CBX1: variants seen among roughly 807,000 people sequenced by gnomAD.
CBX1 encodes chromobox 1.
A neutral mutation model predicts 25.1 loss-of-function variants in CBX1; 10 were observed. The ratio of observed to expected loss-of-function variants is 0.40; its 90% confidence interval spans 0.25 to 0.68. The LOEUF (loss-of-function observed/expected upper bound fraction) is 0.68, where lower values mean the gene tolerates loss of function less well. Ranked by LOEUF, CBX1 falls within the 30% of genes least tolerant of loss-of-function variation. The probability of loss-of-function intolerance (pLI) is 0.40; values close to 1 mark genes in which losing one functional copy is unlikely to be tolerated. For synonymous variants in CBX1, 63 were observed against 79.4 expected (o/e 0.79, Z 1.10); for missense variants, 106 against 218.5 (o/e 0.49, Z 3.25).
chr17:48,101,128 G>C, intron 1 of CBX1, 140 bp downstream of exon 1: 1 of 986,508 alleles, frequency 1.0e-6, no homozygotes, highest in Non-Finnish European at 1.2e-6. Context: ...CGCGGGAAGC[G>C]GAGAAGCAGG....
chr17:48,101,164 C>A (rs534828544), intron 1 of CBX1, 104 bp downstream of exon 1: 1 of 987,134 alleles, frequency 1.0e-6, no homozygotes, highest in East Asian at 1.1e-4. Flanking sequence ...GCGCTCCCCG[C>A]TCCTAACCTC....
chr17:48,074,165 C>T (rs1418533966), intron 4 of CBX1, among the ~76,000 whole-genome samples: 1 of 152,162 alleles, frequency 6.6e-6, no homozygotes, highest in East Asian at 1.9e-4. Flanking sequence ...ATAATTAGTA[C>T]AGACACGAGT....
In CBX1 at chr17:48,082,501, CA is replaced by C. The variant is rs572999255; in HGVS notation, c.-37-5461del. ...TGGGGGACAGAGCGAGACTCCATCT[CA>C]AAAAAAAAAAAAAAAAAAAAAAAGG... On this transcript the variant is annotated intron_variant, in intron 1 of 4. Transcript: ENST00000225603. Among the ~76,000 whole-genome samples the C allele has an allele frequency of 6.6e-3, 357 of 53,748 alleles. 1 individual carries two copies. The highest frequency in any genetic ancestry group is 0.017 in the South Asian group (19 of 1,108). The allele number at this position is 53,748 out of a possible 152,430, so 35.3% of individuals were successfully genotyped here.
intron 1 of CBX1, among the ~76,000 whole-genome samples, chr17:48,090,132 G>A (rs1331697902): frequency 1.3e-5 from 2 of 151,764 alleles, no homozygotes; most frequent in South Asian, 2.1e-4. Flanking sequence ...TCTCGATCTC[G>A]ACCTCATGAT....
intron 2 of CBX1, among the ~76,000 whole-genome samples, chr17:48,076,540 G>A (rs968006453): frequency 1.3e-5 from 2 of 152,100 alleles, no homozygotes; most frequent in Admixed American, 1.3e-4. Flanking sequence ...ACATGGTGGT[G>A]CATGCCTGTG....
At chr17:48,087,978 T>C (rs1290018528) in intron 1 of CBX1, among the ~76,000 whole-genome samples, 1 of 152,064 alleles carries the variant, frequency 6.6e-6, no homozygotes, top group Non-Finnish European at 1.5e-5. Context: ...GCAGTTAATT[T>C]TTTCTAATTA....
chr17:48,093,930 A>G (rs1208229821), intron 1 of CBX1, among the ~76,000 whole-genome samples: 3 of 149,950 alleles, frequency 2.0e-5, no homozygotes, highest in East Asian at 2.0e-4. Flanking sequence ...GACCAGCCTG[A>G]CCAACATGAC....
rs561774657 is a variant in CBX1 at position 48,083,036 on chromosome 17, T to C, written c.-37-5995A>G. On this transcript the variant is annotated intron_variant, in intron 1 of 4. Transcript: ENST00000225603. ...CATGCACCACCATGCCCAGCTAATTTTGTATCTTTAGTAGAGACAGAGTTT... is the reference window on the plus strand; with the variant it reads ...CATGCACCACCATGCCCAGCTAATTCTGTATCTTTAGTAGAGACAGAGTTT... Among the ~76,000 whole-genome samples the C allele has an allele frequency of 3.1e-4, 46 of 149,346 alleles. 1 individual carries two copies. The highest frequency in any genetic ancestry group is 1.2e-3 in the African/African-American group (46 of 39,054).
chr17:48,088,914 G>C (rs977215531), intron 1 of CBX1: 14 of 141,218 alleles, frequency 9.9e-5, no homozygotes, highest in African/African-American at 3.7e-4. Flanking sequence ...TTTTGACATT[G>C]GCAGCGAGCC....
At chr17:48,090,785 C>T (rs1186778638) in intron 1 of CBX1, among the ~76,000 whole-genome samples, 1 of 152,256 alleles carries the variant, frequency 6.6e-6, no homozygotes, top group Non-Finnish European at 1.5e-5. Flanking sequence ...ACTGGGTTAA[C>T]TCTGTATGAA....
At position 48,075,118 on chromosome 17, in the gene CBX1, G is replaced by A; in HGVS notation, c.319-18C>T. 1 of 1,564,580 alleles carries A rather than the reference G, an allele frequency of 6.4e-7. No homozygotes were observed. Among genetic ancestry groups the A allele is most frequent in the Admixed American group, 1.7e-5 (1 of 59,958 alleles). ...TTTTCTGACTGTAAAAACAAGATGG[G>A]TAGAACAATTTTATCTATATGGGAC... On this transcript the variant is annotated intron_variant, in intron 3 of 4. Coordinates refer to ENST00000225603, the MANE Select transcript of CBX1 (RefSeq NM_001127228.2).
At chr17:48,099,122 G>A (rs2063392556) in intron 1 of CBX1, among the ~76,000 whole-genome samples, 1 of 151,886 alleles carries the variant, frequency 6.6e-6, no homozygotes, top group Non-Finnish European at 1.5e-5. Flanking sequence ...TTTTTTTTGA[G>A]ACAGAGTCTC....
chr17:48,071,473 G>A lies in CBX1; in HGVS notation c.520C>T (p.Pro174Ser). The A allele has an allele frequency of 6.2e-7, 1 of 1,613,096 alleles. No individual in the cohort carries two copies. Reference sequence around the variant, plus strand: ...TCTTTTTTGTCATCATCCTCCGAGGGGTAGGAATGCCACGTCAGCCTTTCC... The same window carrying A: ...TCTTTTTTGTCATCATCCTCCGAGGAGTAGGAATGCCACGTCAGCCTTTCC... ...YEERLTWHSY[P>S]SEDDDKKDDK... The change falls in exon 5 of 5, where the codon CCC becomes TCC. Residue 174 changes from proline to serine, a missense_variant. This residue lies in a region of CBX1 where 71 missense variants were observed against 144.1 expected (regional missense o/e 0.49). Transcript: ENST00000225603.
chr17:48,094,577 A>C (rs2063362177), intron 1 of CBX1, among the ~76,000 whole-genome samples: 1 of 148,568 alleles, frequency 6.7e-6, no homozygotes, highest in African/African-American at 2.5e-5. Context: ...CTAAAAATAC[A>C]AAAAAAAAAT....
chr17:48,101,317 C>A lies in CBX1; in HGVS notation c.-87G>T, dbSNP rs1292706837. On this transcript the variant is annotated 5_prime_UTR_variant, in exon 1 of 5. Transcript: ENST00000225603. ...AGAGGAATCGGTGCTGCGCTGCTGG[C>A]GCGTCGCGTCGGGTCGCCTGGGGGA... The A allele has an allele frequency of 8.1e-6, 8 of 986,164 alleles. No individual in the cohort carries two copies. The highest frequency in any genetic ancestry group is 8.4e-6 in the Non-Finnish European group (7 of 829,994). 61.1% of individuals were successfully genotyped at this position (986,164 alleles called of 1,614,324 possible).
intron 1 of CBX1, among the ~76,000 whole-genome samples, chr17:48,080,330 GC>G (rs1197454154): frequency 6.6e-6 from 1 of 152,080 alleles, no homozygotes; most frequent in Non-Finnish European, 1.5e-5. Flanking sequence ...GAGCTACCGT[GC>G]CCGGACCCAA....
intron 1 of CBX1, among the ~76,000 whole-genome samples, chr17:48,077,440 TTTTTGTTTTTTTTG>T: frequency 2.0e-5 from 2 of 101,510 alleles, no homozygotes; most frequent in African/African-American, 7.6e-5. Context: ...GTTGTTTTTT[TTTTTGTTTTTTTTG>T]TTTTTTTTTT....
chr17:48,076,215 C>T, intron 2 of CBX1, 37 bp from the exon 3 acceptor site: 1 of 1,471,226 alleles, frequency 6.8e-7, no homozygotes, highest in Middle Eastern at 1.8e-4. Flanking sequence ...CACTTTCACT[C>T]AAATAAGTAT....
At chr17:48,080,973 TATATATATATATATATATATAA>T (rs1377524601) in intron 1 of CBX1, among the ~76,000 whole-genome samples, 3,772 of 90,340 alleles carry the variant, frequency 0.042, 130 homozygotes, top group Non-Finnish European at 0.049. Context: ...TATATATATA[TATATATATATATATATATATAA>T]AATTTGTCTT....
Sources: gnomAD v4.1 joint callset for allele counts (sites outside exome capture counted in the v4.1 genomes callset) on GRCh38, gnomAD v4.1.1 for gene constraint, gnomAD v4.1.1 regional missense constraint, MANE v1.5 for transcripts, NCBI Gene and HGNC (gene_info 2026-07-23, HGNC 2026-07-21) for gene names.